Variants in BCL9L observed in about 807,000 individuals in gnomAD.
BCL9L encodes B-cell CLL/lymphoma 9-like protein.
In BCL9L, 19 loss-of-function variants were observed where a neutral mutation model predicts 99.4. The ratio of observed to expected loss-of-function variants is 0.19; its 90% CI spans 0.13 to 0.28. The LOEUF is 0.28. Among genes scored for constraint, BCL9L ranks in the 10% least tolerant of loss-of-function variants. BCL9L has a pLI of 1.00. For missense variants in BCL9L, 2,023 were observed against 2,101.6 expected (o/e 0.96, Z 0.73); for synonymous variants, 900 against 854.8 (o/e 1.05, Z -0.92).
chr11:118,914,740 C>G lies in BCL9L; in HGVS notation c.-77+4086G>C, dbSNP rs1001393884. On this transcript the variant is annotated intron_variant, in intron 2 of 9. Coordinates refer to ENST00000683865, the MANE Select transcript of BCL9L (RefSeq NM_001378213.1). The surrounding 1 kb of genome is among the most constrained non-coding windows in gnomAD (Gnocchi z 4.4). ...GTCCCCTGTCCCCAGGCCTCCTCTC[C>G]CACACCCATTCAGTAAAGCTGCTCC... Among the ~76,000 whole-genome samples the G allele has an allele frequency of 1.2e-4, 18 of 152,222 alleles. No homozygotes were observed. Among genetic ancestry groups the G allele is most frequent in the African/African-American group, 4.3e-4 (18 of 41,448 alleles).
At chr11:118,911,194 T>A (rs1347556057) in intron 2 of BCL9L, 1 of 454,132 alleles carries the variant, frequency 2.2e-6, no homozygotes, top group Non-Finnish European at 4.4e-6. Context: ...TCGCCTCCCC[T>A]ACCCGCCCTC....
chr11:118,901,498 G>A lies in BCL9L; in HGVS notation c.2245C>T (p.Leu749=). 2 of 1,614,088 alleles carry A rather than the reference G, an allele frequency of 1.2e-6. No individual in the cohort carries two copies. The highest frequency in any genetic ancestry group is 8.5e-7 in the Non-Finnish European group (1 of 1,180,016). ...GMEFGGGRGL[L]SPPMGQSGLR... is the part of the protein sequence containing the mutation. ...CCAGACTGCCCCATGGGAGGGCTCA[G>A]GAGGCCCCGGCCTCCACCAAACTCC... The change falls in exon 8 of 10, where the codon CTG becomes TTG. Residue 749 remains leucine, a synonymous_variant. Coordinates refer to ENST00000683865, the MANE Select transcript of BCL9L (RefSeq NM_001378213.1). The surrounding 1 kb of genome is among the most constrained non-coding windows in gnomAD (Gnocchi z 6.6).
intron 5 of BCL9L, among the ~76,000 whole-genome samples, chr11:118,906,138 G>A (rs1019513512): frequency 6.6e-6 from 1 of 151,218 alleles, no homozygotes; most frequent in Non-Finnish European, 1.5e-5. Flanking sequence ...AGGTTGCAGT[G>A]AGCTGTGATC....
rs766429603 is a variant in BCL9L, at chr11:118,903,302, C to T, written c.683G>A (p.Gly228Asp). The T allele has an allele frequency of 1.3e-6, 2 of 1,567,968 alleles. No individual in the cohort carries two copies. The highest frequency in any genetic ancestry group is 2.3e-5 in the East Asian group (1 of 43,196). ...GGGAGGCTTTCCGGGGACGCCCCCG[C>T]CCCCGCCCCCGCCCCCAGGGGCATC... ...RPDAPGGGGG[G>D]GGVPGKPPSQ... The change falls in exon 6 of 10, where the codon GGC (glycine) becomes GAC (aspartate). Residue 228 changes from glycine to aspartate, a missense_variant. Coordinates refer to ENST00000683865, the MANE Select transcript of BCL9L (RefSeq NM_001378213.1). The surrounding 1 kb of genome is among the most constrained non-coding windows in gnomAD (Gnocchi z 5.6).
rs758711667 is a variant in BCL9L, at chr11:118,907,579, G to A, written c.436C>T (p.Arg146Cys). 1.9e-6 allele frequency: 3 copies of A among 1,613,524 alleles called. No homozygotes were observed. Among genetic ancestry groups the A allele is most frequent in the Non-Finnish European group, 2.5e-6 (3 of 1,180,012 alleles). Residue 146 changes from arginine to cysteine, a missense_variant, in exon 5 of 10, where the codon CGC becomes TGC. Arg to Cys is a radical substitution (Grantham distance 180, BLOSUM62 -3). Transcript: ENST00000683865. ...GGCTGCTTCCGCTCCAGCACACAGC[G>A]CCGCTTACTCCGCGGCGCCACCTCT... is the stretch of plus-strand genomic sequence containing the variant. ...AKEVAPRSKRRCVLERKQPYS... is the reference protein window; with the variant it reads ...AKEVAPRSKRCCVLERKQPYS...
chr11:118,900,659 G>T lies in BCL9L; in HGVS notation c.3084C>A (p.Leu1028=). The change falls in exon 8 of 10, where the codon CTC becomes CTA. Residue 1028 remains leucine, a synonymous_variant. Coordinates refer to ENST00000683865, the MANE Select transcript of BCL9L (RefSeq NM_001378213.1). The surrounding 1 kb of genome is among the most constrained non-coding windows in gnomAD (Gnocchi z 5.3). ...PGVSQNKQPP[L]NMNSSTTLSN... ...TCAGGGTGGTGGAAGAGTTCATGTT[G>T]AGAGGCGGCTGCTTGTTCTGGGAGA... 1 of 1,612,928 alleles carries T rather than the reference G, an allele frequency of 6.2e-7. No individual in the cohort carries two copies. The highest frequency in any genetic ancestry group is 8.5e-7 in the Non-Finnish European group (1 of 1,179,460).
At position 118,899,450 on chromosome 11, in the gene BCL9L, A is replaced by T; in HGVS notation, c.3465T>A (p.Pro1155=). The part of the protein sequence containing the change: ...MHLNSAAAQS[P]MGMNLPGQQP... ...GCTGGCCTGGCAGGTTCATGCCCAT[A>T]GGGCTCTGGGCAGCGGCTGAGTTCA... is the stretch of plus-strand genomic sequence containing the variant. Residue 1155 remains proline, a synonymous_variant, in exon 10 of 10, where the codon CCT becomes CCA. Coordinates refer to ENST00000683865, the MANE Select transcript of BCL9L (RefSeq NM_001378213.1). The T allele has an allele frequency of 6.2e-7, 1 of 1,605,856 alleles. No individual in the cohort carries two copies. Among genetic ancestry groups the T allele is most frequent in the South Asian group, 1.1e-5 (1 of 89,346 alleles).
In BCL9L at chr11:118,907,476, C is replaced by T; in HGVS notation, c.532+7G>A. 2 of 1,614,194 alleles carry T rather than the reference C, an allele frequency of 1.2e-6. No homozygotes were observed. Among genetic ancestry groups the T allele is most frequent in the Non-Finnish European group, 1.7e-6 (2 of 1,180,024 alleles). On this transcript the variant is annotated splice_region_variant and intron_variant, in intron 5 of 9. Coordinates refer to ENST00000683865, the MANE Select transcript of BCL9L (RefSeq NM_001378213.1). ...GCTACAGCACCCTGGCATCGACAGG[C>T]ACTCACTGTGGGTGGCCCCAATGGG...
rs1941260998 is a variant in BCL9L, at chr11:118,925,687, C to T, written c.-580G>A. ...GCTGGGTGGGGAGGGGCTGTCTGGG[C>T]GCTTATTGTTGGTCGGACTCCGAGG... is the stretch of plus-strand genomic sequence containing the variant. On this transcript the variant is annotated 5_prime_UTR_variant, in exon 1 of 10. Transcript: ENST00000683865. The surrounding 1 kb of genome is among the most constrained non-coding windows in gnomAD (Gnocchi z 6.4). The T allele has an allele frequency of 6.6e-6, 1 of 151,144 alleles. No homozygotes were observed. The highest frequency in any genetic ancestry group is 2.1e-4 in the South Asian group (1 of 4,818). 9.4% of individuals were successfully genotyped at this position (151,144 alleles called of 1,614,324 possible).
At position 118,902,767 on chromosome 11, in the gene BCL9L, G is replaced by A. The variant is rs774657393; in HGVS notation, c.976C>T (p.Pro326Ser). Residue 326 changes from proline to serine, a missense_variant, in exon 8 of 10, where the codon CCT (proline) becomes TCT (serine). Pro to Ser is a moderately conservative substitution (Grantham distance 74). This residue lies in a region of BCL9L where 1,116 missense variants were observed against 1,194.6 expected (regional missense o/e 0.93). Transcript: ENST00000683865. This position sits in a 1 kb window ranked among gnomAD's most constrained non-coding sequence, Gnocchi z 7.8. Reference protein sequence around the residue: ...SAPPALPPEGPPEDSSQDLAP... With the variant: ...SAPPALPPEGSPEDSSQDLAP... Reference sequence around the variant, plus strand: ...AGGTCCTGACTGCTGTCCTCAGGAGGCCCCTCTGGGGGCAGAGCAGGCGGG... The same window carrying A: ...AGGTCCTGACTGCTGTCCTCAGGAGACCCCTCTGGGGGCAGAGCAGGCGGG... 2 of 1,585,574 alleles carry A rather than the reference G, an allele frequency of 1.3e-6. No individual in the cohort carries two copies. The highest frequency in any genetic ancestry group is 4.5e-5 in the East Asian group (2 of 44,672).
intron 9 of BCL9L, 38 bp downstream of exon 9, chr11:118,899,879 C>A (rs1454012035): frequency 1.3e-6 from 2 of 1,591,792 alleles, no homozygotes; most frequent in African/African-American, 2.7e-5. Context: ...AGTGCCCACA[C>A]CAGCTGGCCT....
In BCL9L at chr11:118,922,497, G is replaced by A. The variant is rs934662245; in HGVS notation, c.-131+2741C>T. 1.3e-5 allele frequency among the ~76,000 whole-genome samples: 2 copies of A among 152,158 alleles called. No homozygotes were observed. Among genetic ancestry groups the A allele is most frequent in the African/African-American group, 2.4e-5 (1 of 41,426 alleles). On this transcript the variant is annotated intron_variant, in intron 1 of 9. Transcript: ENST00000683865. The surrounding 1 kb of genome is among the most constrained non-coding windows in gnomAD (Gnocchi z 6.2). ...GTGTGTTTGTGGGTGGGCAGCTGTC[G>A]GGGCTGGCAGGCAGGGGCACACATG...
At chr11:118,917,128 A>C (rs1309310705) in intron 2 of BCL9L, among the ~76,000 whole-genome samples, 1 of 152,172 alleles carries the variant, frequency 6.6e-6, no homozygotes, top group Non-Finnish European at 1.5e-5. Context: ...ACGATGGGGA[A>C]GCGGCGGCAG....
At chr11:118,913,311 GACCTTTCTA>G (rs1940864927) in intron 2 of BCL9L, among the ~76,000 whole-genome samples, 2 of 152,178 alleles carry the variant, frequency 1.3e-5, no homozygotes, top group Non-Finnish European at 2.9e-5. Flanking sequence ...CCTGGTCCCA[GACCTTTCTA>G]GTCTGGGATT....
intron 9 of BCL9L, 33 bp from the exon 10 acceptor site, chr11:118,899,541 G>A (rs745832189): frequency 1.2e-5 from 19 of 1,598,974 alleles, no homozygotes; most frequent in South Asian, 2.3e-5. Flanking sequence ...GGTCAGGCAC[G>A]GTGTGCCCAG....
intron 4 of BCL9L, 83 bp downstream of exon 4, chr11:118,908,187 G>A: frequency 6.7e-7 from 1 of 1,488,618 alleles, no homozygotes; most frequent in Non-Finnish European, 8.9e-7. Context: ...GGACAAGCAG[G>A]GAGCAGAGAG....
rs377448514 is a variant in BCL9L at position 118,903,086 on chromosome 11, G to C, written c.750-12C>G. On this transcript the variant is annotated splice_polypyrimidine_tract_variant and intron_variant, in intron 6 of 9. Coordinates refer to ENST00000683865, the MANE Select transcript of BCL9L (RefSeq NM_001378213.1). This position sits in a 1 kb window ranked among gnomAD's most constrained non-coding sequence, Gnocchi z 5.6. ...CTGCCTCTGCAGCCCTGCACAGAGT[G>C]GGGGCACCGACAGCTCAGAGAGGTG... 2 of 1,567,624 alleles carry C rather than the reference G, an allele frequency of 1.3e-6. No homozygotes were observed. Among genetic ancestry groups the C allele is most frequent in the East Asian group, 2.3e-5 (1 of 43,086 alleles).
In BCL9L at chr11:118,921,277, T is replaced by TAC. The variant is rs1273938485; in HGVS notation, c.-130-2400_-130-2399dup. On this transcript the variant is annotated intron_variant, in intron 1 of 9. Coordinates refer to ENST00000683865, the MANE Select transcript of BCL9L (RefSeq NM_001378213.1). The surrounding 1 kb of genome is among the most constrained non-coding windows in gnomAD (Gnocchi z 5.4). ...TGAGACACACACACACACAAACTTA[T>TAC]ACACACACACAAAGTAGTACGCAGC... Among the ~76,000 whole-genome samples the TAC allele has an allele frequency of 1.3e-5, 2 of 151,970 alleles. No individual in the cohort carries two copies. Among genetic ancestry groups the TAC allele is most frequent in the African/African-American group, 2.4e-5 (1 of 41,458 alleles).
Position 118,908,221 on chromosome 11 carries a change from C to T in BCL9L, c.412+49G>A, listed in dbSNP as rs747613858. On this transcript the variant is annotated intron_variant, in intron 4 of 9. Transcript: ENST00000683865. ...AGGTGATCTCCCAGAACATCTGAGC[C>T]TTGGACTATGGGAGATGCTAGGGTC... 2.6e-6 allele frequency: 4 copies of T among 1,513,366 alleles called. No individual in the cohort carries two copies. In the Admixed American group the frequency reaches 6.8e-5, roughly 26 times the overall value. 93.7% of individuals were successfully genotyped at this position (1,513,366 alleles called of 1,614,324 possible). A position where few individuals can be genotyped will look rare whatever the true frequency, so the allele number is the denominator to read the frequency against.
Sources: gnomAD v4.1 joint callset for allele counts (sites outside exome capture counted in the v4.1 genomes callset) on GRCh38, gnomAD v4.1.1 for gene constraint, gnomAD v4.1.1 regional missense constraint, Gnocchi (gnomAD v3.1) non-coding constraint, MANE v1.5 for transcripts, NCBI Gene and HGNC (gene_info 2026-07-23, HGNC 2026-07-21) for gene names.